Variants in SLC26A7 observed in about 807,000 individuals in gnomAD.
SLC26A7 encodes solute carrier family 26 member 7.
A neutral mutation model predicts 82.5 loss-of-function variants in SLC26A7; 59 were observed. That is an observed-to-expected ratio of 0.72 (90% CI 0.58 to 0.89). SLC26A7 has a LOEUF of 0.89. Ranked by LOEUF, SLC26A7 falls within the 40% of genes least tolerant of loss-of-function variation. SLC26A7 has a pLI of 0.00. For missense variants in SLC26A7, 820 were observed against 793.0 expected (o/e 1.03, Z -0.41); for synonymous variants, 271 against 274.3 (o/e 0.99, Z 0.12).
chr8:91,227,264 A>G (rs531452853), intron 2 of SLC26A7, among the ~76,000 whole-genome samples: 7 of 152,184 alleles, frequency 4.6e-5, no homozygotes, highest in South Asian at 4.1e-4. Flanking sequence ...TCTAGCTTCA[A>G]TTTTTCTCCT....
intron 15 of SLC26A7, among the ~76,000 whole-genome samples, chr8:91,386,766 T>C (rs1031628420): frequency 2.0e-5 from 3 of 152,178 alleles, no homozygotes; most frequent in Non-Finnish European, 4.4e-5. Flanking sequence ...GATTTTAAGC[T>C]ACCAACATGC....
intron 18 of SLC26A7, chr8:91,394,720 T>G: frequency 9.1e-7 from 1 of 1,093,600 alleles, no homozygotes; most frequent in Non-Finnish European, 1.1e-6. Flanking sequence ...ATATATTGAG[T>G]GCCCTCATTA....
chr8:91,335,184 T>TTATACA (rs1158854762), intron 6 of SLC26A7, among the ~76,000 whole-genome samples: 2 of 152,150 alleles, frequency 1.3e-5, no homozygotes, highest in Admixed American at 6.6e-5. Flanking sequence ...ATGATAAATG[T>TTATACA]TGTCTAAATA....
At chr8:91,278,521 C>G (rs1285573463) in intron 2 of SLC26A7, among the ~76,000 whole-genome samples, 1 of 152,042 alleles carries the variant, frequency 6.6e-6, no homozygotes, top group Non-Finnish European at 1.5e-5. Context: ...AGAAGTATAT[C>G]ACGAAATTAA....
intron 4 of SLC26A7, among the ~76,000 whole-genome samples, chr8:91,300,689 G>C (rs1021048335): frequency 6.6e-6 from 1 of 152,192 alleles, no homozygotes; most frequent in Non-Finnish European, 1.5e-5. Context: ...GAGCCACCGC[G>C]CCCGGCCAGA....
intron 2 of SLC26A7, among the ~76,000 whole-genome samples, chr8:91,222,981 G>A (rs890524153): frequency 1.3e-5 from 2 of 151,998 alleles, no homozygotes; most frequent in African/African-American, 2.4e-5. Flanking sequence ...TTTTTTGCCA[G>A]TAGACTATTA....
At chr8:91,219,062 A>C in intron 2 of SLC26A7, 2 of 799,308 alleles carry the variant, frequency 2.5e-6, no homozygotes, top group Non-Finnish European at 4.0e-6. Context: ...GCATACACAG[A>C]TTATGCCCTA....
At chr8:91,219,327 G>A (rs1270405208) in intron 2 of SLC26A7, 1 of 181,884 alleles carries the variant, frequency 5.5e-6, no homozygotes, top group African/African-American at 2.3e-5. Flanking sequence ...GACTTTGACG[G>A]GGAAAAGTAT....
Position 91,391,802 on chromosome 8 carries a change from AT to A in SLC26A7, c.1777-1982del, listed in dbSNP as rs35320444. Among the ~76,000 whole-genome samples, 1,099 of 145,176 alleles carry A rather than the reference AT, an allele frequency of 7.6e-3. 17 individuals carry two copies. The highest frequency in any genetic ancestry group is 0.025 in the South Asian group (114 of 4,540). The stretch of plus-strand genomic sequence containing the variant: ...GGATCCTATTTTGAGAAACACTAGG[AT>A]TTTTTTTTTTTTAAACTGGGAAAGG... On this transcript the variant is annotated intron_variant, in intron 16 of 18. Coordinates refer to ENST00000276609, the MANE Select transcript of SLC26A7 (RefSeq NM_052832.4).
chr8:91,253,633 T>C (rs1425596001), intron 2 of SLC26A7, among the ~76,000 whole-genome samples: 2 of 152,124 alleles, frequency 1.3e-5, no homozygotes, highest in Non-Finnish European at 2.9e-5. Flanking sequence ...TCTGAGCCTC[T>C]TGATACAAAG....
chr8:91,387,850 A>T (rs1814840790), intron 15 of SLC26A7, among the ~76,000 whole-genome samples: 1 of 152,230 alleles, frequency 6.6e-6, no homozygotes, highest in Non-Finnish European at 1.5e-5. Flanking sequence ...TCCTTAAAAA[A>T]ATTACTCCTT....
chr8:91,386,750 A>G (rs756960464), intron 15 of SLC26A7, among the ~76,000 whole-genome samples: 4 of 152,192 alleles, frequency 2.6e-5, no homozygotes, highest in Non-Finnish European at 5.9e-5. Context: ...TATTTCTACT[A>G]TCACTGATTT....
chr8:91,239,386 A>AT (rs1386289021), intron 2 of SLC26A7, among the ~76,000 whole-genome samples: 9 of 113,862 alleles, frequency 7.9e-5, no homozygotes, highest in Non-Finnish European at 1.2e-4. Flanking sequence ...AAAAAAAAAA[A>AT]AAAAAAAAAA....
rs548167894 is a variant in SLC26A7, at chr8:91,223,474, A to G, written c.-34+4469A>G. On this transcript the variant is annotated intron_variant, in intron 2 of 5. Coordinates refer to the SLC26A7 transcript ENST00000522862. ...CTTTCTGGTGTGGGCATTTAGTGTT[A>G]TAAATTTCCCTCTTAACACTGCTTT... Among the ~76,000 whole-genome samples the G allele has an allele frequency of 3.9e-5, 6 of 152,284 alleles. No homozygotes were observed. In the South Asian group the frequency reaches 1.2e-3, roughly 32 times the overall value.
chr8:91,211,852 T>C (rs376559768), intron 1 of SLC26A7, among the ~76,000 whole-genome samples: 186 of 152,088 alleles, frequency 1.2e-3, no homozygotes, highest in African/African-American at 4.2e-3. Context: ...GGATGATAAA[T>C]GGGTCTTTAT....
chr8:91,243,216 A>G (rs555834281), intron 2 of SLC26A7, among the ~76,000 whole-genome samples: 365 of 152,344 alleles, frequency 2.4e-3, no homozygotes, highest in African/African-American at 7.4e-3. Flanking sequence ...GCCATATTAC[A>G]TAATAGATAA....
chr8:91,369,110 G>A (rs1318585468), intron 14 of SLC26A7, among the ~76,000 whole-genome samples: 1 of 152,168 alleles, frequency 6.6e-6, no homozygotes, highest in African/African-American at 2.4e-5. Context: ...TACTAGTTTT[G>A]TGACTTTGCT....
intron 2 of SLC26A7, among the ~76,000 whole-genome samples, chr8:91,231,391 A>G (rs967354050): frequency 1.3e-5 from 2 of 152,340 alleles, no homozygotes; most frequent in Non-Finnish European, 1.5e-5. Context: ...AGTCTCAGAT[A>G]GCAAAAATAC....
At chr8:91,286,225 G>A (rs1811706443) in intron 2 of SLC26A7, among the ~76,000 whole-genome samples, 1 of 152,100 alleles carries the variant, frequency 6.6e-6, no homozygotes, top group East Asian at 1.9e-4. Flanking sequence ...GCATACTGGT[G>A]GCAAATGTTC....
Sources: gnomAD v4.1 joint callset for allele counts (sites outside exome capture counted in the v4.1 genomes callset) on GRCh38, gnomAD v4.1.1 for gene constraint, MANE v1.5 for transcripts, NCBI Gene and HGNC (gene_info 2026-07-23, HGNC 2026-07-21) for gene names.